TBC1D12: variants seen among roughly 807,000 people sequenced by gnomAD.
TBC1D12 encodes TBC1 domain family, member 12.
A neutral mutation model predicts 86.7 loss-of-function variants in TBC1D12; 56 were observed. That is an observed-to-expected ratio of 0.65 (90% CI 0.52 to 0.81). TBC1D12 has a LOEUF of 0.81. Among genes scored for constraint, TBC1D12 ranks in the 30% least tolerant of loss-of-function variants. TBC1D12 has a pLI of 0.00. For synonymous variants in TBC1D12, 421 were observed against 411.7 expected, an observed-to-expected ratio of 1.02 and a Z score of -0.27; for missense variants, 1,023 against 1,038.8, an observed-to-expected ratio of 0.98 and a Z score of 0.21.
chr10:94,476,941 G>A (rs1005701367), intron 3 of TBC1D12, among the ~76,000 whole-genome samples: 7 of 152,006 alleles, frequency 4.6e-5, no homozygotes, highest in South Asian at 2.1e-4. Flanking sequence ...TCAGCCTTCC[G>A]TTGTATCTAC....
At position 94,402,757 on chromosome 10, in the gene TBC1D12, G is replaced by T. The variant is rs770897565; in HGVS notation, c.144G>T (p.Pro48=). The T allele has an allele frequency of 2.6e-6, 4 of 1,550,608 alleles. No homozygotes were observed. In the East Asian group the frequency reaches 7.3e-5, roughly 28 times the overall value. ...GFGGGVGAVE[P]PEEADEEEEA... ...GCGGAGGCGTCGGCGCTGTGGAGCCGCCGGAGGAGGCTGACGAGGAGGAGG... is the reference window on the plus strand; with the variant it reads ...GCGGAGGCGTCGGCGCTGTGGAGCCTCCGGAGGAGGCTGACGAGGAGGAGG... The change falls in exon 1 of 13, where the codon CCG becomes CCT. Residue 48 remains proline, a synonymous_variant. Transcript: ENST00000225235.
At chr10:94,411,964 A>G (rs1284833653) in intron 1 of TBC1D12, among the ~76,000 whole-genome samples, 1 of 152,176 alleles carries the variant, frequency 6.6e-6, no homozygotes, top group East Asian at 1.9e-4. Context: ...TCCAAAAAAA[A>G]AGAGAAAATT....
rs1396923974 is a variant in TBC1D12 at position 94,403,489 on chromosome 10, G to C, written c.876G>C (p.Ala292=). 2 of 1,543,268 alleles carry C rather than the reference G, an allele frequency of 1.3e-6. No homozygotes were observed. The highest frequency in any genetic ancestry group is 4.0e-5 in the Admixed American group (2 of 50,534). ...GQSARDHLPP[A]GPPVPLPAAE... is the part of the protein sequence containing the mutation. The stretch of plus-strand genomic sequence containing the variant: ...GCGCCCGCGATCACCTGCCCCCGGC[G>C]GGGCCGCCGGTGCCCTTGCCCGCCG... The change falls in exon 1 of 13, where the codon GCG becomes GCC. Residue 292 remains alanine (A), a synonymous_variant. Transcript: ENST00000225235.
At chr10:94,520,720 C>T (rs949696465) in intron 9 of TBC1D12, among the ~76,000 whole-genome samples, 3 of 151,602 alleles carry the variant, frequency 2.0e-5, no homozygotes, top group South Asian at 4.2e-4. Flanking sequence ...AGTGCAGTGG[C>T]GCAATCTTGG....
chr10:94,488,556 A>G (rs1280114375), intron 3 of TBC1D12, among the ~76,000 whole-genome samples: 2 of 149,102 alleles, frequency 1.3e-5, no homozygotes, highest in Non-Finnish European at 3.0e-5. Flanking sequence ...ACACCCGGCT[A>G]ATTTTTTGTA....
intron 6 of TBC1D12, among the ~76,000 whole-genome samples, chr10:94,502,405 A>G (rs2056409567): frequency 6.6e-6 from 1 of 150,816 alleles, no homozygotes; most frequent in African/African-American, 2.4e-5. Flanking sequence ...CAAATAGAGG[A>G]AAGTAAAATA....
intron 3 of TBC1D12, among the ~76,000 whole-genome samples, chr10:94,483,434 G>A (rs1411298785): frequency 3.3e-5 from 5 of 152,020 alleles, no homozygotes; most frequent in Non-Finnish European, 7.4e-5. Context: ...GATATTGCCT[G>A]TCTGTTTGAT....
At chr10:94,435,155 G>A (rs181779339) in intron 1 of TBC1D12, among the ~76,000 whole-genome samples, 1 of 152,254 alleles carries the variant, frequency 6.6e-6, no homozygotes, top group African/African-American at 2.4e-5. Flanking sequence ...GAACAGTGTT[G>A]TCCTGAATGT....
chr10:94,469,905 C>A (rs571794414), intron 2 of TBC1D12, among the ~76,000 whole-genome samples: 1 of 152,166 alleles, frequency 6.6e-6, no homozygotes, highest in African/African-American at 2.4e-5. Context: ...GTTGAGTGAT[C>A]CTCAGGCTCA....
chr10:94,532,131 T>C (rs1001620474), intron 12 of TBC1D12, among the ~76,000 whole-genome samples: 3 of 151,306 alleles, frequency 2.0e-5, no homozygotes, highest in African/African-American at 7.3e-5. Flanking sequence ...CCACTCGTCT[T>C]GGCCTCCCAA....
intron 1 of TBC1D12, among the ~76,000 whole-genome samples, chr10:94,419,562 G>A (rs1015659385): frequency 6.6e-6 from 1 of 151,978 alleles, no homozygotes; most frequent in Non-Finnish European, 1.5e-5. Context: ...CCAGCTTCTC[G>A]GGAGACTGAG....
rs1029597284 is a variant in TBC1D12 at position 94,402,909 on chromosome 10, C to G, written c.296C>G (p.Pro99Arg). 2.7e-6 allele frequency: 4 copies of G among 1,496,526 alleles called. No homozygotes were observed. The South Asian group carries it at 3.9e-5, about 15-fold the overall frequency. 92.7% of individuals were successfully genotyped at this position (1,496,526 alleles called of 1,614,324 possible). ...PLPAGQAGAP[P>R]PSAAPRSDAC... ...CCCGCTGGCCAGGCCGGCGCCCCGC[C>G]GCCCTCGGCAGCCCCACGATCGGAC... Residue 99 changes from proline to arginine, a missense_variant, in exon 1 of 13, where the codon CCG (proline) becomes CGG (arginine). By Grantham distance (103) the Pro-to-Arg change is moderately radical. Around this residue, in one of 2 missense-constraint regions of TBC1D12, gnomAD observed 628 missense variants for 531.1 expected, o/e 1.18. Transcript: ENST00000225235.
At chr10:94,513,117 C>T (rs567509476) in intron 9 of TBC1D12, among the ~76,000 whole-genome samples, 5 of 152,122 alleles carry the variant, frequency 3.3e-5, no homozygotes, top group Non-Finnish European at 5.9e-5. Flanking sequence ...CATGGTGGCA[C>T]GCGCCTGTTA....
In TBC1D12 at chr10:94,423,236, T is replaced by C. The variant is rs915971414; in HGVS notation, c.972-18660T>C. Among the ~76,000 whole-genome samples, 59 of 152,334 alleles carry C rather than the reference T, an allele frequency of 3.9e-4. 1 individual carries two copies. The highest frequency in any genetic ancestry group is 2.7e-3 in the Admixed American group (42 of 15,298). ...TGCCTTCCAAGAGATGCTTGGTTTTTCAGCTCTTTTCTGCCTCCTGATTGT... is the reference window on the plus strand; with the variant it reads ...TGCCTTCCAAGAGATGCTTGGTTTTCCAGCTCTTTTCTGCCTCCTGATTGT... On this transcript the variant is annotated intron_variant, in intron 1 of 12. Transcript: ENST00000225235.
At chr10:94,514,507 A>C (rs951828949) in intron 9 of TBC1D12, among the ~76,000 whole-genome samples, 1 of 152,200 alleles carries the variant, frequency 6.6e-6, no homozygotes, top group Non-Finnish European at 1.5e-5. Flanking sequence ...TTTAAGTGAG[A>C]ACATGCAATA....
intron 7 of TBC1D12, chr10:94,509,533 A>G (rs1312000969): frequency 1.3e-5 from 2 of 152,508 alleles, no homozygotes; most frequent in Non-Finnish European, 2.9e-5. Flanking sequence ...AACCAGATAC[A>G]CATTCAGGGC....
Position 94,402,906 on chromosome 10 carries a change from C to T in TBC1D12, c.293C>T (p.Pro98Leu), listed in dbSNP as rs748718054. 2.1e-5 allele frequency: 32 copies of T among 1,493,478 alleles called. No homozygotes were observed. In the Admixed American group the frequency reaches 4.6e-4, roughly 21 times the overall value. 92.5% of individuals were successfully genotyped at this position (1,493,478 alleles called of 1,614,324 possible). Residue 98 changes from proline (P) to leucine (L), a missense_variant, in exon 1 of 13, where the codon CCG becomes CTG. Physicochemically the swap from Pro to Leu is moderately conservative, Grantham distance 98. This residue lies in a region of TBC1D12 where 628 missense variants were observed against 531.1 expected (regional missense o/e 1.18). Coordinates refer to ENST00000225235, the MANE Select transcript of TBC1D12 (RefSeq NM_015188.2). ...CPLPAGQAGA[P>L]PPSAAPRSDA... ...CTCCCCGCTGGCCAGGCCGGCGCCC[C>T]GCCGCCCTCGGCAGCCCCACGATCG...
chr10:94,410,436 TCACCATGTTGCC>T (rs1478391924), intron 1 of TBC1D12, among the ~76,000 whole-genome samples: 2 of 152,206 alleles, frequency 1.3e-5, no homozygotes, highest in Non-Finnish European at 2.9e-5. Context: ...AGATGAGGTC[TCACCATGTTGCC>T]CAGGCTGGTG....
At chr10:94,454,934 C>CG (rs1450361125) in intron 2 of TBC1D12, among the ~76,000 whole-genome samples, 3 of 152,110 alleles carry the variant, frequency 2.0e-5, no homozygotes, top group Admixed American at 2.0e-4. Flanking sequence ...CAGTGGTGAG[C>CG]GGGGATATCC....
Sources: allele counts gnomAD v4.1 joint callset (sites outside exome capture counted in the v4.1 genomes callset), GRCh38; gene constraint gnomAD v4.1.1; regional missense constraint gnomAD v4.1.1; transcripts MANE v1.5; gene names NCBI Gene and HGNC (gene_info 2026-07-23, HGNC 2026-07-21).